The following ADARB1 variants were observed in gnomAD, a reference collection of about 807,000 sequenced individuals.
ADARB1 encodes the protein double-stranded RNA-specific editase 1.
ADARB1 carries 10 observed loss-of-function variants against 52.4 expected under a neutral mutation model. The observed-to-expected ratio is 0.19, with a 90% CI of 0.12 to 0.32. The LOEUF is 0.32. Among genes scored for constraint, ADARB1 ranks in the 10% least tolerant of loss-of-function variants. ADARB1 has a pLI of 1.00. For synonymous variants in ADARB1, 349 were observed against 371.1 expected, an observed-to-expected ratio of 0.94 and a Z score of 0.68; for missense variants, 643 against 922.3, an observed-to-expected ratio of 0.70 and a Z score of 3.92.
intron 2 of ADARB1, among the ~76,000 whole-genome samples, chr21:45,162,455 A>G (rs916611166): frequency 3.9e-5 from 6 of 152,128 alleles, no homozygotes; most frequent in African/African-American, 1.4e-4. Flanking sequence ...TGGAAGTGTG[A>G]GCCGAGCGCA....
chr21:45,123,274 C>CGT (rs10647195), intron 1 of ADARB1, among the ~76,000 whole-genome samples: 126,832 of 149,030 alleles, frequency 0.85, 54,112 homozygotes, highest in East Asian at 0.91. Context: ...ATATATACTA[C>CGT]GTGTGTGTGT....
chr21:45,083,031 C>T (rs1047298673), intron 1 of ADARB1, among the ~76,000 whole-genome samples: 8 of 152,194 alleles, frequency 5.3e-5, no homozygotes, highest in Admixed American at 3.3e-4. Flanking sequence ...GCTGCGTGCC[C>T]TGCTCACTGT....
chr21:45,084,353 G>T (rs2086260094), intron 1 of ADARB1, among the ~76,000 whole-genome samples: 1 of 152,248 alleles, frequency 6.6e-6, no homozygotes, highest in South Asian at 2.1e-4. Context: ...ACTTGGCAGA[G>T]AGTCCTGTCC....
At chr21:45,099,176 G>C (rs1327299170) in intron 1 of ADARB1, among the ~76,000 whole-genome samples, 1 of 152,124 alleles carries the variant, frequency 6.6e-6, no homozygotes, top group Admixed American at 6.5e-5. Flanking sequence ...TTCTCTTAAG[G>C]GTTGTTGATT....
chr21:45,116,734 G>C lies in ADARB1; in HGVS notation c.-219-11668G>C, dbSNP rs1201466763. Among the ~76,000 whole-genome samples, 5 of 152,330 alleles carry C rather than the reference G, an allele frequency of 3.3e-5. No individual in the cohort carries two copies. In the East Asian group the frequency reaches 7.7e-4, roughly 24 times the overall value. On this transcript the variant is annotated intron_variant, in intron 1 of 10. Transcript: ENST00000348831. ...GGAAAAGCCCCTTACAAAGCCGTCA[G>C]ATCCCGTGAGAACTCACTCACTATC...
At chr21:45,113,745 G>A (rs1418418233) in intron 1 of ADARB1, among the ~76,000 whole-genome samples, 5 of 151,990 alleles carry the variant, frequency 3.3e-5, no homozygotes, top group South Asian at 2.1e-4. Flanking sequence ...AGTATTGGTC[G>A]GTGTTTCGGG....
At chr21:45,205,049 A>C (rs753582663) in intron 9 of ADARB1, among the ~76,000 whole-genome samples, 13 of 152,208 alleles carry the variant, frequency 8.5e-5, no homozygotes, top group Non-Finnish European at 1.8e-4. Context: ...GCTTGAGCCC[A>C]GAAGTTCAAG....
At chr21:45,118,724 G>A (rs963924699) in intron 1 of ADARB1, 3 of 152,014 alleles carry the variant, frequency 2.0e-5, no homozygotes, top group South Asian at 2.1e-4. Flanking sequence ...TCCAGCCCGC[G>A]TGCCCATATT....
rs147960077 is a variant in ADARB1 at position 45,085,194 on chromosome 21, G to A, written c.-220+10401G>A. Among the ~76,000 whole-genome samples, 348 of 152,300 alleles carry A rather than the reference G, an allele frequency of 2.3e-3. 2 individuals carry two copies. Among genetic ancestry groups the A allele is most frequent in the African/African-American group, 7.9e-3 (329 of 41,576 alleles). On this transcript the variant is annotated intron_variant, in intron 1 of 10. Transcript: ENST00000348831. Reference sequence around the variant, plus strand: ...TTTCTATCATTTGAGGTGAGGTTTCGTGTTGGTTCATCTGACTGGCCGAGT... The same window carrying A: ...TTTCTATCATTTGAGGTGAGGTTTCATGTTGGTTCATCTGACTGGCCGAGT...
chr21:45,170,306 T>TCAGG (rs2091429159), intron 2 of ADARB1, among the ~76,000 whole-genome samples: 2 of 152,268 alleles, frequency 1.3e-5, no homozygotes, highest in Non-Finnish European at 2.9e-5. Context: ...CTTAATATAA[T>TCAGG]CAGCTGTTCA....
intron 8 of ADARB1, among the ~76,000 whole-genome samples, chr21:45,187,295 T>A (rs1434044956): frequency 6.6e-6 from 1 of 152,236 alleles, no homozygotes; most frequent in Admixed American, 6.5e-5. Context: ...AATTGTTTTC[T>A]TAATTCCCTT....
chr21:45,164,978 C>T (rs1569101729), intron 2 of ADARB1, among the ~76,000 whole-genome samples: 1 of 152,142 alleles, frequency 6.6e-6, no homozygotes, highest in South Asian at 2.1e-4. Context: ...TGCATTGGTA[C>T]ACCTGCTGCC....
intron 9 of ADARB1, among the ~76,000 whole-genome samples, chr21:45,219,156 AT>A (rs1214226254): frequency 6.6e-6 from 1 of 152,226 alleles, no homozygotes; most frequent in Non-Finnish European, 1.5e-5. Flanking sequence ...TATAAACATT[AT>A]TTCTCAACAT....
chr21:45,083,745 A>G (rs932662371), intron 1 of ADARB1, among the ~76,000 whole-genome samples: 1 of 152,216 alleles, frequency 6.6e-6, no homozygotes, highest in East Asian at 1.9e-4. Context: ...CTCAGGCTAG[A>G]GTACAGTGGT....
chr21:45,092,371 C>T (rs2086591709), intron 1 of ADARB1, among the ~76,000 whole-genome samples: 1 of 152,200 alleles, frequency 6.6e-6, no homozygotes. Flanking sequence ...CTCTCTACTG[C>T]ATTACAACTG....
intron 8 of ADARB1, among the ~76,000 whole-genome samples, chr21:45,193,910 G>T (rs2092363517): frequency 1.3e-5 from 2 of 152,188 alleles, no homozygotes; most frequent in African/African-American, 2.4e-5. Context: ...TCACCAGATT[G>T]ATCTATAGAC....
intron 2 of ADARB1, among the ~76,000 whole-genome samples, chr21:45,158,742 A>G (rs779209289): frequency 2.6e-5 from 4 of 152,208 alleles, no homozygotes; most frequent in Non-Finnish European, 2.9e-5. Context: ...TATTTGGGCC[A>G]ACTGCACAGG....
rs758744746 is a variant in ADARB1 at position 45,176,479 on chromosome 21, G to A, written c.778G>A (p.Ala260Thr). Residue 260 changes from alanine (A) to threonine (T), a missense_variant, in exon 4 of 11, where the codon GCC becomes ACC. Transcript: ENST00000348831. This position sits in a 1 kb window ranked among gnomAD's most constrained non-coding sequence, Gnocchi z 5.8. ...CCTCTCCGAGAGCGGGGAGAGCCAT[G>A]CCAAGAGCTTCGTCATGTCTGTGGT... The part of the protein sequence containing the change: ...DFLSESGESH[A>T]KSFVMSVVVD... 4.3e-6 allele frequency: 7 copies of A among 1,614,220 alleles called. No homozygotes were observed. Among genetic ancestry groups the A allele is most frequent in the Non-Finnish European group, 5.9e-6 (7 of 1,180,036 alleles).
At position 45,087,515 on chromosome 21, in the gene ADARB1, G is replaced by A. The variant is rs564290582; in HGVS notation, c.-220+12722G>A. On this transcript the variant is annotated intron_variant, in intron 1 of 10. Coordinates refer to ENST00000348831, the MANE Select transcript of ADARB1 (RefSeq NM_001112.4). ...GGGCAGAGCCAGAAACAAAAGAGAT[G>A]GTGACTGCAGAGGGCCAGGGGACGG... 2.0e-5 allele frequency among the ~76,000 whole-genome samples: 3 copies of A among 152,260 alleles called. No individual in the cohort carries two copies. The South Asian group carries it at 6.2e-4, about 32-fold the overall frequency.
Sources: allele counts gnomAD v4.1 joint callset (sites outside exome capture counted in the v4.1 genomes callset), GRCh38; gene constraint gnomAD v4.1.1; non-coding constraint Gnocchi (gnomAD v3.1); transcripts MANE v1.5; gene names NCBI Gene and HGNC (gene_info 2026-07-23, HGNC 2026-07-21).